COL22A1: variants seen among roughly 807,000 people sequenced by gnomAD.
COL22A1 encodes the protein collagen alpha-1(XXII) chain.
Under a neutral mutation model 248.9 loss-of-function variants are expected in COL22A1, and 221 were observed. The ratio of observed to expected loss-of-function variants is 0.89; its 90% confidence interval spans 0.80 to 0.99. The LOEUF is 0.99. Ranked by LOEUF, COL22A1 falls within the 50% of genes least tolerant of loss-of-function variation. COL22A1 has a pLI of 0.00. For missense variants in COL22A1, 2,240 were observed against 2,179.0 expected, an observed-to-expected ratio of 1.03 and a Z score of -0.56; for synonymous variants, 891 against 793.4, an observed-to-expected ratio of 1.12 and a Z score of -2.07.
chr8:138,604,953 A>C (rs1818310497), intron 58 of COL22A1, among the ~76,000 whole-genome samples, 184 bp from the exon 59 acceptor site: 1 of 152,220 alleles, frequency 6.6e-6, no homozygotes, highest in South Asian at 2.1e-4. Flanking sequence ...AAAGCAAAAA[A>C]TCACCCCAGG....
At chr8:138,645,598 G>A (rs750675694) in intron 47 of COL22A1, among the ~76,000 whole-genome samples, 6 of 152,106 alleles carry the variant, frequency 3.9e-5, no homozygotes, top group African/African-American at 9.7e-5. Context: ...CATTTTGCCC[G>A]CAGTTGGCAC....
intron 37 of COL22A1, among the ~76,000 whole-genome samples, chr8:138,686,119 G>A (rs1006797631): frequency 6.6e-6 from 1 of 152,100 alleles, no homozygotes; most frequent in Non-Finnish European, 1.5e-5. Flanking sequence ...CTGTTCCCTG[G>A]AACCCTGTAG....
At position 138,627,881 on chromosome 8, in the gene COL22A1, A is replaced by G. The variant is rs1820378370; in HGVS notation, c.3664-1638T>C. On this transcript the variant is annotated intron_variant, in intron 50 of 64. Coordinates refer to ENST00000303045, the MANE Select transcript of COL22A1 (RefSeq NM_152888.3). ...TTGATTAAACAATCCAGTAAAATTT[A>G]GGTGGAAAAAAATACCCTTTTTATA... is the stretch of plus-strand genomic sequence containing the variant. 3.3e-5 allele frequency among the ~76,000 whole-genome samples: 5 copies of G among 152,228 alleles called. No individual in the cohort carries two copies. The South Asian group carries it at 1.0e-3, about 32-fold the overall frequency.
rs759469460 is a variant in COL22A1, at chr8:138,594,074, G to T, written c.4558C>A (p.Pro1520Thr). The T allele has an allele frequency of 1.3e-6, 2 of 1,589,912 alleles. No individual in the cohort carries two copies. Among genetic ancestry groups the T allele is most frequent in the East Asian group, 4.6e-5 (2 of 43,040 alleles). ...AGACCCCCCTGCCCAGGACGACCTG[G>T]CTCCCCCATGGGGCCGGCCCGGCCT... Reference protein sequence around the residue: ...LPGRAGPMGEPGRPGQGGLEG... With the variant: ...LPGRAGPMGETGRPGQGGLEG... The change falls in exon 63 of 65, where the codon CCA (proline) becomes ACA (threonine). Residue 1520 changes from proline to threonine, a missense_variant. Pro to Thr is a conservative substitution (Grantham distance 38). Transcript: ENST00000303045.
At chr8:138,844,937 A>G (rs1821132584) in intron 3 of COL22A1, among the ~76,000 whole-genome samples, 1 of 148,848 alleles carries the variant, frequency 6.7e-6, no homozygotes, top group South Asian at 2.2e-4. Flanking sequence ...GTGACAGGGC[A>G]AGACTCCATC....
intron 1 of COL22A1, among the ~76,000 whole-genome samples, chr8:138,908,337 G>A (rs953412174): frequency 6.6e-6 from 1 of 152,230 alleles, no homozygotes; most frequent in South Asian, 2.1e-4. Context: ...TATTGGTTAA[G>A]TTGGGGGATA....
intron 9 of COL22A1, among the ~76,000 whole-genome samples, chr8:138,808,353 C>G (rs868485876): frequency 3.3e-5 from 5 of 151,936 alleles, no homozygotes; most frequent in Middle Eastern, 3.4e-3. Context: ...TTGTCAATAC[C>G]CAAACTAAAT....
At chr8:138,796,894 G>A in intron 11 of COL22A1, 37 bp from the exon 12 acceptor site, 7 of 1,378,886 alleles carry the variant, frequency 5.1e-6, no homozygotes, top group Non-Finnish European at 7.2e-6. Flanking sequence ...TCACTACAGA[G>A]CATCTCCATG....
chr8:138,591,700 ACACT>A (rs1335978099), intron 63 of COL22A1, among the ~76,000 whole-genome samples, 199 bp from the exon 64 acceptor site: 2 of 152,174 alleles, frequency 1.3e-5, no homozygotes, highest in Non-Finnish European at 2.9e-5. Context: ...ACTCCAGCAC[ACACT>A]CACATTCAGA....
At chr8:138,640,633 T>A (rs1821600935) in intron 47 of COL22A1, among the ~76,000 whole-genome samples, 1 of 152,180 alleles carries the variant, frequency 6.6e-6, no homozygotes, top group African/African-American at 2.4e-5. Flanking sequence ...CGTTTACTCT[T>A]CTACTGACAA....
At chr8:138,658,053 AC>A (rs575378392) in intron 44 of COL22A1, among the ~76,000 whole-genome samples, 214 of 152,084 alleles carry the variant, frequency 1.4e-3, no homozygotes, top group Non-Finnish European at 2.2e-3. Context: ...AAGAATCCCC[AC>A]TGCAGGCTGT....
At chr8:138,848,809 C>T (rs137870668) in intron 3 of COL22A1, among the ~76,000 whole-genome samples, 6 of 152,264 alleles carry the variant, frequency 3.9e-5, no homozygotes, top group African/African-American at 1.4e-4. Flanking sequence ...TGAATAAATG[C>T]CTCCCTAAAT....
chr8:138,668,930 C>A (rs920932819), intron 41 of COL22A1, among the ~76,000 whole-genome samples: 2 of 152,174 alleles, frequency 1.3e-5, no homozygotes, highest in African/African-American at 4.8e-5. Context: ...GGGTCGGGGG[C>A]TTCACAGGTA....
intron 1 of COL22A1, among the ~76,000 whole-genome samples, chr8:138,913,011 C>T (rs749184985): frequency 6.6e-6 from 1 of 152,122 alleles, no homozygotes; most frequent in African/African-American, 2.4e-5. Flanking sequence ...TGCTACAGAA[C>T]ATGATACGCA....
At chr8:138,654,449 C>A (rs1823038437) in intron 45 of COL22A1, among the ~76,000 whole-genome samples, 1 of 152,172 alleles carries the variant, frequency 6.6e-6, no homozygotes, top group South Asian at 2.1e-4. Context: ...CCCCAGACTT[C>A]CGAGAAGGTT....
At chr8:138,823,813 T>C (rs1044743634) in intron 6 of COL22A1, among the ~76,000 whole-genome samples, 2 of 152,236 alleles carry the variant, frequency 1.3e-5, no homozygotes, top group African/African-American at 4.8e-5. Context: ...ACAGGCATTT[T>C]CTCTCTTCAT....
chr8:138,904,038 G>C (rs1278685214), intron 1 of COL22A1, among the ~76,000 whole-genome samples: 1 of 152,146 alleles, frequency 6.6e-6, no homozygotes, highest in Admixed American at 6.5e-5. Context: ...TTGCACGAGA[G>C]AAATATTTCC....
chr8:138,844,842 C>T lies in COL22A1; in HGVS notation c.659-684G>A, dbSNP rs574077736. Among the ~76,000 whole-genome samples the T allele has an allele frequency of 3.8e-4, 57 of 149,700 alleles. 1 individual carries two copies. In the Middle Eastern group the frequency reaches 0.015, roughly 39 times the overall value. On this transcript the variant is annotated intron_variant, in intron 3 of 64. Coordinates refer to ENST00000303045, the MANE Select transcript of COL22A1 (RefSeq NM_152888.3). ...GCAGGCGCCTGTAGTCCCAGCTACT[C>T]GGGAGGCTGAGGCAGGAGAATGGTG...
At chr8:138,885,036 A>G (rs1366397254) in intron 1 of COL22A1, among the ~76,000 whole-genome samples, 1 of 151,694 alleles carries the variant, frequency 6.6e-6, no homozygotes, top group Non-Finnish European at 1.5e-5. Context: ...ACACACACGC[A>G]CACACACACA....
Sources: gnomAD v4.1 joint callset for allele counts (sites outside exome capture counted in the v4.1 genomes callset) on GRCh38, gnomAD v4.1.1 for gene constraint, MANE v1.5 for transcripts, NCBI Gene and HGNC (gene_info 2026-07-23, HGNC 2026-07-21) for gene names.